Variants in EXOSC10 observed in about 807,000 individuals in gnomAD.
EXOSC10 encodes exosome component 10, also known as exosome complex component 10.
EXOSC10 carries 94 observed loss-of-function variants against 126.6 expected under a neutral mutation model. The observed-to-expected ratio is 0.74, with a 90% CI of 0.63 to 0.88. The LOEUF (loss-of-function observed/expected upper bound fraction) is 0.88, where lower values mean the gene tolerates loss of function less well. Ranked by LOEUF, EXOSC10 falls within the 40% of genes least tolerant of loss-of-function variation. The pLI, the probability that EXOSC10 is intolerant of heterozygous loss-of-function variation, is 0.00. For synonymous variants in EXOSC10, 395 were observed against 400.8 expected (o/e 0.99, Z 0.17); for missense variants, 1,041 against 1,100.5 (o/e 0.95, Z 0.77).
Position 11,069,652 on chromosome 1 carries a change from G to A in EXOSC10, c.2395C>T (p.Leu799Phe). The part of the protein sequence containing the change: ...TTEQKQEKKR[L>F]KISKKPKDPE... Reference sequence around the variant, plus strand: ...TCCTTTGGCTTCTTGGAAATTTTGAGTCGTTTCTTCTCTTGTTTCTGTTCT... The same window carrying A: ...TCCTTTGGCTTCTTGGAAATTTTGAATCGTTTCTTCTCTTGTTTCTGTTCT... The change falls in exon 22 of 25, where the codon CTC becomes TTC. Residue 799 changes from leucine to phenylalanine, a missense_variant. Physicochemically the swap from Leu to Phe is conservative, Grantham distance 22. This residue lies in a region of EXOSC10 where 388 missense variants were observed against 415.2 expected (regional missense o/e 0.93). Transcript: ENST00000376936. The A allele has an allele frequency of 6.2e-7, 1 of 1,614,156 alleles. No homozygotes were observed. The highest frequency in any genetic ancestry group is 8.5e-7 in the Non-Finnish European group (1 of 1,180,026).
At chr1:11,081,020 T>C in intron 11 of EXOSC10, 62 bp downstream of exon 11, 2 of 1,597,484 alleles carry the variant, frequency 1.3e-6, no homozygotes, top group East Asian at 4.5e-5. Context: ...ACCTAAGAAC[T>C]AGAACCTGGC....
In EXOSC10 at chr1:11,099,848, G is replaced by A; in HGVS notation, c.-17C>T. 3.1e-6 allele frequency: 5 copies of A among 1,589,096 alleles called. No homozygotes were observed. Among genetic ancestry groups the A allele is most frequent in the Non-Finnish European group, 4.3e-6 (5 of 1,167,344 alleles). On this transcript the variant is annotated 5_prime_UTR_variant, in exon 1 of 25. Transcript: ENST00000376936. ...TGGCGCCATTTTTTCAGCCTGCACG[G>A]CTCGTCTCGCGAGAGCTTGTCGGCC...
chr1:11,090,929 C>T lies in EXOSC10; in HGVS notation c.643+85G>A, dbSNP rs1034468466. ...CAAAGGAGGGTGGGCTCCCTTTGAA[C>T]AAAGAAGAGAGACCTGTACACCCTT... is the stretch of plus-strand genomic sequence containing the variant. On this transcript the variant is annotated intron_variant, in intron 5 of 24. Transcript: ENST00000376936. 6 of 1,417,868 alleles carry T rather than the reference C, an allele frequency of 4.2e-6. No individual in the cohort carries two copies. The East Asian group carries it at 6.8e-5, about 16-fold the overall frequency. 87.8% of individuals were successfully genotyped at this position (1,417,868 alleles called of 1,614,324 possible).
intron 17 of EXOSC10, among the ~76,000 whole-genome samples, chr1:11,076,443 A>G (rs573156106): frequency 1.3e-5 from 2 of 152,138 alleles, no homozygotes; most frequent in East Asian, 1.9e-4. Context: ...TCTACAGTTC[A>G]TCGGACAGTA....
chr1:11,077,975 C>T (rs1369222541), intron 14 of EXOSC10, among the ~76,000 whole-genome samples: 1 of 152,074 alleles, frequency 6.6e-6, no homozygotes, highest in Non-Finnish European at 1.5e-5. Context: ...ATTTTTAACA[C>T]AAAAATTGCA....
rs763118096 is a variant in EXOSC10, at chr1:11,069,664, CTT to C, written c.2381_2382del (p.Gln794ArgfsTer47). ...TTGGAAATTTTGAGTCGTTTCTTCT[CTT>C]GTTTCTGTTCTGTGGTCCTTGGGTC... ...TSDPRTTEQKQEKKRLKISKK... is the reference protein window; with the variant it reads ...TSDPRTTEQKXEKKRLKISKK... On this transcript the variant is annotated frameshift_variant, in exon 22 of 25. Transcript: ENST00000376936. LOFTEE classifies it high-confidence loss of function. The C allele has an allele frequency of 1.1e-5, 17 of 1,613,410 alleles. No homozygotes were observed. The highest frequency in any genetic ancestry group is 4.4e-5 in the South Asian group (4 of 91,066).
In EXOSC10 at chr1:11,072,125, G is replaced by C; in HGVS notation, c.2204C>G (p.Ser735Cys). 3.1e-6 allele frequency: 5 copies of C among 1,613,912 alleles called. No individual in the cohort carries two copies. The highest frequency in any genetic ancestry group is 2.2e-5 in the South Asian group (2 of 91,036). ...TGCCTTCTTCTTGACAGCTTCTTTA[G>C]AGTCTTTTTGTACTTGTACCTGGGC... Reference protein sequence around the residue: ...KLAQVQVQKDSKEAVKKKAAE... With the variant: ...KLAQVQVQKDCKEAVKKKAAE... Residue 735 changes from serine to cysteine, a missense_variant, in exon 20 of 25, where the codon TCT becomes TGT. Physicochemically the swap from Ser to Cys is moderately radical, Grantham distance 112. Transcript: ENST00000376936.
At chr1:11,085,503 G>C (rs1346376302) in intron 9 of EXOSC10, among the ~76,000 whole-genome samples, 2 of 152,156 alleles carry the variant, frequency 1.3e-5, no homozygotes, top group Non-Finnish European at 2.9e-5. Context: ...TTGCTTATCA[G>C]CTTAAGGAGA....
At chr1:11,088,361 A>G (rs1240671809) in intron 6 of EXOSC10, among the ~76,000 whole-genome samples, 163 bp from the exon 7 acceptor site, 1 of 152,244 alleles carries the variant, frequency 6.6e-6, no homozygotes, top group Admixed American at 6.5e-5. Context: ...TACAAATCAT[A>G]AATCAGATGA....
chr1:11,088,663 C>T (rs1357453705), intron 6 of EXOSC10, among the ~76,000 whole-genome samples: 1 of 149,818 alleles, frequency 6.7e-6, no homozygotes, highest in Non-Finnish European at 1.5e-5. Context: ...TCGAGGATCA[C>T]GGTAGCCCAG....
Position 11,071,038 on chromosome 1 carries a change from A to G in EXOSC10, c.2243-65T>C. ...AGCAACCACCCTCCCCTCCATCTCC[A>G]TCCCCCTCCGACTTGGCCTAGCCAC... On this transcript the variant is annotated intron_variant, in intron 20 of 24. Coordinates refer to ENST00000376936, the MANE Select transcript of EXOSC10 (RefSeq NM_001001998.3). 6.0e-6 allele frequency: 9 copies of G among 1,487,910 alleles called. 1 individual carries two copies. In the South Asian group the frequency reaches 1.0e-4, roughly 17 times the overall value. 92.2% of individuals were successfully genotyped at this position (1,487,910 alleles called of 1,614,324 possible).
chr1:11,088,286 C>T, intron 6 of EXOSC10, 88 bp from the exon 7 acceptor site: 1 of 919,890 alleles, frequency 1.1e-6, no homozygotes, highest in South Asian at 1.6e-5. Flanking sequence ...TCTGTAAAAA[C>T]AAATGAGAAA....
chr1:11,095,629 T>C, intron 3 of EXOSC10, 129 bp downstream of exon 3: 1 of 784,288 alleles, frequency 1.3e-6, no homozygotes, highest in South Asian at 1.6e-5. Context: ...CAGGAGAGTG[T>C]TGTGAACCCG....
intron 19 of EXOSC10, 101 bp downstream of exon 19, chr1:11,073,833 G>A: frequency 1.2e-6 from 1 of 840,854 alleles, no homozygotes; most frequent in Non-Finnish European, 1.8e-6. Context: ...AGTCAAGATT[G>A]TGCCTCTGCA....
At chr1:11,080,284 A>G (rs1459198562) in intron 13 of EXOSC10, among the ~76,000 whole-genome samples, 2 of 152,214 alleles carry the variant, frequency 1.3e-5, no homozygotes, top group Non-Finnish European at 2.9e-5. Flanking sequence ...AAACTAAGGC[A>G]TAATCATTGA....
intron 13 of EXOSC10, among the ~76,000 whole-genome samples, chr1:11,080,049 C>G (rs1218124167): frequency 6.6e-6 from 1 of 152,246 alleles, no homozygotes; most frequent in Non-Finnish European, 1.5e-5. Flanking sequence ...CTCCCACAAT[C>G]AGGGAGAGCT....
At chr1:11,079,350 CAAAA>C (rs919775002) in intron 14 of EXOSC10, among the ~76,000 whole-genome samples, 2 of 135,046 alleles carry the variant, frequency 1.5e-5, no homozygotes, top group African/African-American at 5.4e-5. Flanking sequence ...AACAAACAAA[CAAAA>C]AAAAAACAGG....
intron 9 of EXOSC10, among the ~76,000 whole-genome samples, chr1:11,083,687 T>C (rs1640318186): frequency 6.6e-6 from 1 of 152,132 alleles, no homozygotes; most frequent in African/African-American, 2.4e-5. Flanking sequence ...GCAGGTTAGT[T>C]ACATATGTAT....
At chr1:11,070,849 C>T (rs999664638) in intron 21 of EXOSC10, 51 bp downstream of exon 21, 3 of 1,523,714 alleles carry the variant, frequency 2.0e-6, no homozygotes, top group African/African-American at 2.7e-5. Context: ...ATCCTGACCA[C>T]AAGCAGGGGC....
Sources: gnomAD v4.1 joint callset for allele counts (sites outside exome capture counted in the v4.1 genomes callset) on GRCh38, gnomAD v4.1.1 for gene constraint, gnomAD v4.1.1 regional missense constraint, MANE v1.5 for transcripts, NCBI Gene and HGNC (gene_info 2026-07-23, HGNC 2026-07-21) for gene names.